SLC44A1: variants seen among roughly 807,000 people sequenced by gnomAD.
The protein encoded by SLC44A1 is choline transporter-like protein 1.
Under a neutral mutation model 79.3 loss-of-function variants are expected in SLC44A1, and 26 were observed. That is an observed-to-expected ratio of 0.33 (90% CI 0.24 to 0.46). The LOEUF is 0.46. Ranked by LOEUF, SLC44A1 falls within the 20% of genes least tolerant of loss-of-function variation. The probability of loss-of-function intolerance (pLI) is 1.00; values close to 1 mark genes in which losing one functional copy is unlikely to be tolerated. For missense variants in SLC44A1, 688 were observed against 798.1 expected (o/e 0.86, Z 1.66); for synonymous variants, 263 against 286.2 (o/e 0.92, Z 0.82).
chr9:105,251,038 C>A (rs931987361), intron 1 of SLC44A1, among the ~76,000 whole-genome samples: 1 of 152,098 alleles, frequency 6.6e-6, no homozygotes, highest in Admixed American at 6.5e-5. Flanking sequence ...AATTTCATCC[C>A]TCGTATGGCT....
In SLC44A1 at chr9:105,338,539, T is replaced by G. The variant is rs929683343; in HGVS notation, c.406+2840T>G. On this transcript the variant is annotated intron_variant, in intron 4 of 15. Coordinates refer to ENST00000374720, the MANE Select transcript of SLC44A1 (RefSeq NM_080546.5). ...AAGTGGTTCTCCTGCTTCAGCCTCC[T>G]GAGTAGCTGGGACTACAGGCATGTG... Among the ~76,000 whole-genome samples, 12 of 152,176 alleles carry G rather than the reference T, an allele frequency of 7.9e-5. No individual in the cohort carries two copies. In the East Asian group the frequency reaches 2.3e-3, roughly 29 times the overall value.
intron 1 of SLC44A1, among the ~76,000 whole-genome samples, chr9:105,279,359 C>T (rs1830294289): frequency 6.7e-6 from 1 of 149,612 alleles, no homozygotes; most frequent in Non-Finnish European, 1.5e-5. Flanking sequence ...ACTCTGTTGC[C>T]CAGGCTGGGG....
intron 3 of SLC44A1, among the ~76,000 whole-genome samples, chr9:105,315,475 T>G (rs10120572): frequency 0.12 from 18,150 of 152,060 alleles, 3,040 homozygotes; most frequent in African/African-American, 0.38. Flanking sequence ...TTTAAAGTCA[T>G]AGTCCTGTAT....
At position 105,391,429 on chromosome 9, in the gene SLC44A1, T is replaced by A; in HGVS notation, c.*2373T>A. The A allele has an allele frequency of 4.1e-6, 4 of 985,460 alleles. No individual in the cohort carries two copies. The highest frequency in any genetic ancestry group is 4.8e-6 in the Non-Finnish European group (4 of 829,540). The allele number at this position is 985,460 out of a possible 1,614,324, so 61.0% of individuals were successfully genotyped here. ...TTGTGTTTAGAAATTATAATCTATG[T>A]GTAACCATGTCATTTGAGTTGCAAA... On this transcript the variant is annotated 3_prime_UTR_variant, in exon 16 of 16. Transcript: ENST00000374720.
At chr9:105,335,082 T>G (rs542133103) in intron 3 of SLC44A1, among the ~76,000 whole-genome samples, 1 of 152,272 alleles carries the variant, frequency 6.6e-6, no homozygotes, top group South Asian at 2.1e-4. Context: ...TTCATTGATA[T>G]CTATAATATA....
At chr9:105,419,110 T>G (rs1588877682) in intron 15 of SLC44A1, among the ~76,000 whole-genome samples, 3 of 152,128 alleles carry the variant, frequency 2.0e-5, no homozygotes, top group Admixed American at 2.0e-4. Context: ...AGAAAAAGAT[T>G]TACAAGCTGA....
rs550332713 is a variant in SLC44A1 at position 105,425,318 on chromosome 9, G to A, written c.1951-12963G>A. 2.0e-4 allele frequency among the ~76,000 whole-genome samples: 31 copies of A among 152,214 alleles called. 2 individuals carry two copies. The highest frequency in any genetic ancestry group is 7.2e-4 in the African/African-American group (30 of 41,516). ...AACATGGTGCATACAGTTTGAAGGG[G>A]GAAACAGGTATTAACCAAACAGGAA... On this transcript the variant is annotated intron_variant, in intron 15 of 15. Transcript: ENST00000374724.
chr9:105,368,112 T>C (rs1827994233), intron 12 of SLC44A1, among the ~76,000 whole-genome samples: 1 of 151,682 alleles, frequency 6.6e-6, no homozygotes, highest in South Asian at 2.1e-4. Flanking sequence ...AGATAGTCGA[T>C]AAAAGGTTAA....
At chr9:105,342,483 A>G (rs1354547083) in intron 4 of SLC44A1, among the ~76,000 whole-genome samples, 3 of 152,144 alleles carry the variant, frequency 2.0e-5, no homozygotes, top group Admixed American at 2.0e-4. Context: ...GGAACTATGT[A>G]CATTGTAGTG....
chr9:105,317,112 C>G (rs1831348868), intron 3 of SLC44A1, among the ~76,000 whole-genome samples: 1 of 152,154 alleles, frequency 6.6e-6, no homozygotes, highest in Non-Finnish European at 1.5e-5. Flanking sequence ...TATCTCCTTG[C>G]TGGCTATAAA....
At chr9:105,361,527 AT>A (rs1319922408) in intron 8 of SLC44A1, among the ~76,000 whole-genome samples, 197 bp downstream of exon 8, 1 of 151,950 alleles carries the variant, frequency 6.6e-6, no homozygotes, top group Non-Finnish European at 1.5e-5. Flanking sequence ...TTGATGAAAC[AT>A]TTTTTCTACC....
downstream of SLC44A1, among the ~76,000 whole-genome samples, chr9:105,398,443 T>C (rs893469912): frequency 6.6e-6 from 1 of 152,196 alleles, no homozygotes; most frequent in Non-Finnish European, 1.5e-5. Context: ...TGGACTGTTC[T>C]TTCTTTTTTT....
At chr9:105,415,295 A>G (rs1219510173) in intron 15 of SLC44A1, among the ~76,000 whole-genome samples, 3 of 152,228 alleles carry the variant, frequency 2.0e-5, no homozygotes, top group Non-Finnish European at 4.4e-5. Flanking sequence ...CAAGGAAGGT[A>G]AAAAAGGCAG....
intron 15 of SLC44A1, among the ~76,000 whole-genome samples, chr9:105,406,072 A>T (rs909982597): frequency 6.6e-6 from 1 of 152,196 alleles, no homozygotes; most frequent in Non-Finnish European, 1.5e-5. Flanking sequence ...AGTCTTGCTA[A>T]GGGTTAAGCA....
chr9:105,400,360 A>G (rs544828197), downstream of SLC44A1, among the ~76,000 whole-genome samples: 1 of 145,098 alleles, frequency 6.9e-6, no homozygotes, highest in African/African-American at 2.6e-5. Flanking sequence ...GTGGTGGCGC[A>G]TGCCTGTAGT....
intron 1 of SLC44A1, among the ~76,000 whole-genome samples, chr9:105,257,938 G>A (rs117668306): frequency 3.7e-3 from 563 of 152,286 alleles, no homozygotes; most frequent in Non-Finnish European, 5.9e-3. Context: ...TTTTCAGAGT[G>A]GTTTAAGGAA....
chr9:105,370,586 G>A (rs1828065687), intron 12 of SLC44A1, among the ~76,000 whole-genome samples: 1 of 152,012 alleles, frequency 6.6e-6, no homozygotes, highest in African/African-American at 2.4e-5. Flanking sequence ...AGCAAAAGAG[G>A]AATAATAATA....
At chr9:105,397,972 G>A (rs1223221204), downstream of SLC44A1, among the ~76,000 whole-genome samples, 1 of 151,762 alleles carries the variant, frequency 6.6e-6, no homozygotes, top group Non-Finnish European at 1.5e-5. Flanking sequence ...AAGAAAAAAA[G>A]AAAAGAAAAG....
At chr9:105,408,342 A>G (rs560482033) in intron 15 of SLC44A1, among the ~76,000 whole-genome samples, 6 of 152,336 alleles carry the variant, frequency 3.9e-5, no homozygotes, top group Non-Finnish European at 8.8e-5. Context: ...AAACATCAGT[A>G]AGGAAACTAC....
Sources: gnomAD v4.1 joint callset for allele counts (sites outside exome capture counted in the v4.1 genomes callset) on GRCh38, gnomAD v4.1.1 for gene constraint, MANE v1.5 for transcripts, NCBI Gene and HGNC (gene_info 2026-07-23, HGNC 2026-07-21) for gene names.